Variants in ITIH2 observed in about 807,000 individuals in gnomAD.
ITIH2 encodes inter-alpha-trypsin inhibitor heavy chain 2, also known as inter-alpha-trypsin inhibitor heavy chain H2.
A neutral mutation model predicts 104.4 loss-of-function variants in ITIH2; 103 were observed. The ratio of observed to expected loss-of-function variants is 0.99; its 90% CI spans 0.84 to 1.16. The LOEUF (loss-of-function observed/expected upper bound fraction) is 1.16. Among genes scored for constraint, ITIH2 ranks in the 50% most tolerant of loss-of-function variants. The pLI, the probability that ITIH2 is intolerant of heterozygous loss-of-function variation, is 0.00. For missense variants in ITIH2, 1,108 were observed against 1,162.4 expected (o/e 0.95, Z 0.68); for synonymous variants, 436 against 435.4 (o/e 1.00, Z -0.02).
chr10:7,722,225 C>G (rs1440996133), intron 8 of ITIH2, among the ~76,000 whole-genome samples: 1 of 152,118 alleles, frequency 6.6e-6, no homozygotes. Context: ...TCAGTCATGT[C>G]CCAGACGTGT....
intron 12 of ITIH2, among the ~76,000 whole-genome samples, chr10:7,730,740 T>G (rs748029955): frequency 6.6e-6 from 1 of 152,210 alleles, no homozygotes; most frequent in Non-Finnish European, 1.5e-5. Flanking sequence ...GAGAAAATGA[T>G]GTAGGGAAAG....
At chr10:7,721,510 C>A in intron 7 of ITIH2, 139 bp from the exon 8 acceptor site, 1 of 696,562 alleles carries the variant, frequency 1.4e-6, no homozygotes, top group Non-Finnish European at 2.4e-6. Flanking sequence ...TCCTTCCCAT[C>A]AGTAATGGGT....
At chr10:7,715,503 ATACT>A (rs1219459134) in intron 5 of ITIH2, among the ~76,000 whole-genome samples, 4 of 152,164 alleles carry the variant, frequency 2.6e-5, no homozygotes, top group Admixed American at 1.3e-4. Context: ...CATCACACAA[ATACT>A]TACTTCTACC....
chr10:7,738,514 C>T, intron 15 of ITIH2, 107 bp from the exon 16 acceptor site: 1 of 1,297,752 alleles, frequency 7.7e-7, no homozygotes, highest in Non-Finnish European at 1.1e-6. Context: ...GGAGAAAAAC[C>T]TAAGCTGACA....
intron 15 of ITIH2, 46 bp downstream of exon 15, chr10:7,735,137 C>T (rs1302204282): frequency 1.8e-5 from 27 of 1,541,676 alleles, no homozygotes; most frequent in Admixed American, 9.6e-5. Flanking sequence ...AGCTCTCTTG[C>T]CCCGGGGGTG....
intron 19 of ITIH2, among the ~76,000 whole-genome samples, chr10:7,745,889 G>A (rs1163063057): frequency 6.6e-6 from 1 of 150,968 alleles, no homozygotes; most frequent in Non-Finnish European, 1.5e-5. Flanking sequence ...CGAGTAGCTG[G>A]GATTACAGGC....
intron 3 of ITIH2, among the ~76,000 whole-genome samples, chr10:7,707,829 T>G (rs1274874897): frequency 1.3e-5 from 2 of 152,194 alleles, no homozygotes; most frequent in African/African-American, 4.8e-5. Context: ...CCTCCCAAAG[T>G]GCTGGGATTA....
intron 5 of ITIH2, among the ~76,000 whole-genome samples, chr10:7,714,460 C>T (rs764339089): frequency 6.6e-5 from 10 of 152,304 alleles, no homozygotes; most frequent in Non-Finnish European, 1.3e-4. Flanking sequence ...GCGTGAGCCA[C>T]TGTGCCTGGC....
At chr10:7,723,401 C>A in intron 8 of ITIH2, 50 bp from the exon 9 acceptor site, 2 of 1,216,602 alleles carry the variant, frequency 1.6e-6, no homozygotes, top group Non-Finnish European at 2.4e-6. Context: ...ATCTTCCTAC[C>A]TTCTAAACAC....
In ITIH2 at chr10:7,711,443, T is replaced by C. The variant is rs17142928; in HGVS notation, c.363-1738T>C. On this transcript the variant is annotated intron_variant, in intron 4 of 20. Transcript: ENST00000358415. ...ACCAGAGAAGATACCTGCTTAATTATCACAACTTAAAATGAGCTGTGTAGA... is the reference window on the plus strand; with the variant it reads ...ACCAGAGAAGATACCTGCTTAATTACCACAACTTAAAATGAGCTGTGTAGA... Among the ~76,000 whole-genome samples the C allele has an allele frequency of 2.0e-3, 307 of 152,324 alleles. 4 individuals are homozygous for C. Among genetic ancestry groups the C allele is most frequent in the African/African-American group, 7.2e-3 (299 of 41,578 alleles).
chr10:7,732,014 T>C lies in ITIH2; in HGVS notation c.1647+18T>C, dbSNP rs6602270. 0.074 allele frequency: 116,928 copies of C among 1,585,990 alleles called. 7,943 individuals are homozygous for C. Among genetic ancestry groups the C allele is most frequent in the African/African-American group, 0.37 (27,464 of 74,428 alleles). On this transcript the variant is annotated intron_variant, in intron 13 of 20. Coordinates refer to ENST00000358415, the MANE Select transcript of ITIH2 (RefSeq NM_002216.3). ...CGACTTCGGTACTTCCACTTATCCA[T>C]TTATTCTATCTACTAACTGACCCCC... is the stretch of plus-strand genomic sequence containing the variant.
chr10:7,703,594 A>C, intron 1 of ITIH2, 76 bp downstream of exon 1: 1 of 895,758 alleles, frequency 1.1e-6, no homozygotes, highest in Non-Finnish European at 1.9e-6. Flanking sequence ...ATCGCTATTC[A>C]ATGGCCTTAT....
chr10:7,717,733 G>T lies in ITIH2; in HGVS notation c.575G>T (p.Gly192Val). The T allele has an allele frequency of 6.2e-7, 1 of 1,613,100 alleles. No individual in the cohort carries two copies. The highest frequency in any genetic ancestry group is 8.5e-7 in the Non-Finnish European group (1 of 1,179,942). ...HYQEVKWRKL[G>V]SYEHRIYLQP... The stretch of plus-strand genomic sequence containing the variant: ...CAGGAGGTGAAGTGGAGGAAGCTGG[G>T]CTCCTATGAGCACAGGATCTATCTG... Residue 192 changes from glycine to valine, a missense_variant, in exon 6 of 21, where the codon GGC (glycine) becomes GTC (valine). Transcript: ENST00000358415.
rs1244340301 is a variant in ITIH2 at position 7,717,726 on chromosome 10, A to G, written c.568A>G (p.Lys190Glu). The G allele has an allele frequency of 1.2e-6, 2 of 1,613,336 alleles. No homozygotes were observed. The highest frequency in any genetic ancestry group is 2.7e-5 in the African/African-American group (2 of 75,028). The stretch of plus-strand genomic sequence containing the variant: ...TCACTACCAGGAGGTGAAGTGGAGG[A>G]AGCTGGGCTCCTATGAGCACAGGAT... ...ELHYQEVKWR[K>E]LGSYEHRIYL... Residue 190 changes from lysine (K) to glutamate (E), a missense_variant, in exon 6 of 21, where the codon AAG (lysine) becomes GAG (glutamate). Coordinates refer to ENST00000358415, the MANE Select transcript of ITIH2 (RefSeq NM_002216.3).
At chr10:7,727,234 TTAAA>T in intron 10 of ITIH2, 116 bp downstream of exon 10, 2 of 794,134 alleles carry the variant, frequency 2.5e-6, no homozygotes, top group South Asian at 2.0e-5. Flanking sequence ...AGGGCCTATC[TTAAA>T]TAATACATTT....
chr10:7,710,790 A>G (rs1404078786), intron 4 of ITIH2, among the ~76,000 whole-genome samples: 1 of 152,192 alleles, frequency 6.6e-6, no homozygotes, highest in Non-Finnish European at 1.5e-5. Context: ...GGGAGAAGGA[A>G]AGGCTTTTCT....
At chr10:7,726,081 C>T (rs759644170) in intron 9 of ITIH2, among the ~76,000 whole-genome samples, 45 of 152,124 alleles carry the variant, frequency 3.0e-4, no homozygotes, top group South Asian at 6.2e-4. Flanking sequence ...CATTGGTGAC[C>T]TTGACAAGGG....
chr10:7,723,337 G>A, intron 8 of ITIH2, 114 bp from the exon 9 acceptor site: 1 of 735,906 alleles, frequency 1.4e-6, no homozygotes. Context: ...TGCACATCAA[G>A]CTCCGCCTCC....
In ITIH2 at chr10:7,709,142, G is replaced by A. The variant is rs142420238; in HGVS notation, c.313G>A (p.Val105Met). The A allele has an allele frequency of 7.9e-5, 128 of 1,614,050 alleles. No homozygotes were observed. The highest frequency in any genetic ancestry group is 1.6e-4 in the Middle Eastern group (1 of 6,062). Reference sequence around the variant, plus strand: ...CAATTCCCCGCAGCCTCAGAATGTCGTGTTTGATGTTCAGATCCCCAAAGG... The same window carrying A: ...CAATTCCCCGCAGCCTCAGAATGTCATGTTTGATGTTCAGATCCCCAAAGG... ...VNNSPQPQNV[V>M]FDVQIPKGAF... Residue 105 changes from valine (V) to methionine (M), a missense_variant, in exon 4 of 21, where the codon GTG (valine) becomes ATG (methionine). Physicochemically the swap from Val to Met is conservative, Grantham distance 21. Coordinates refer to ENST00000358415, the MANE Select transcript of ITIH2 (RefSeq NM_002216.3).
Sources: allele counts gnomAD v4.1 joint callset (sites outside exome capture counted in the v4.1 genomes callset), GRCh38; gene constraint gnomAD v4.1.1; transcripts MANE v1.5; gene names NCBI Gene and HGNC (gene_info 2026-07-23, HGNC 2026-07-21).